ILRUN: variants seen among roughly 807,000 people sequenced by gnomAD.
The protein encoded by ILRUN is inflammation and lipid regulator with UBA-like and NBR1-like domains.
Under a neutral mutation model 33.8 loss-of-function variants are expected in ILRUN, and 3 were observed. The ratio of observed to expected loss-of-function variants is 0.09; its 90% CI spans 0.04 to 0.23. The LOEUF (loss-of-function observed/expected upper bound fraction) is 0.23, where lower values mean the gene tolerates loss of function less well. Ranked by LOEUF, ILRUN falls within the 10% of genes least tolerant of loss-of-function variation. The probability of loss-of-function intolerance (pLI) is 1.00; values close to 1 mark genes in which losing one functional copy is unlikely to be tolerated. For missense variants in ILRUN, 210 were observed against 375.1 expected, an observed-to-expected ratio of 0.56 and a Z score of 3.64; for synonymous variants, 124 against 138.9, an observed-to-expected ratio of 0.89 and a Z score of 0.75.
chr6:34,677,624 G>GT (rs1763263774), intron 1 of ILRUN, among the ~76,000 whole-genome samples: 2 of 152,072 alleles, frequency 1.3e-5, no homozygotes, highest in African/African-American at 4.8e-5. Context: ...TTTTGTTGTT[G>GT]TTGTTCCCCA....
At chr6:34,656,017 G>A (rs968345732) in intron 1 of ILRUN, among the ~76,000 whole-genome samples, 1 of 151,978 alleles carries the variant, frequency 6.6e-6, no homozygotes, top group Admixed American at 6.6e-5. Flanking sequence ...GGCAGATCAC[G>A]GGGTCAGGAG....
intron 1 of ILRUN, among the ~76,000 whole-genome samples, chr6:34,672,238 T>A (rs905035350): frequency 1.3e-5 from 2 of 151,896 alleles, no homozygotes; most frequent in Non-Finnish European, 2.9e-5. Flanking sequence ...GAACTACAGG[T>A]GTGCACCACC....
At chr6:34,656,582 A>G (rs1412447449) in intron 1 of ILRUN, among the ~76,000 whole-genome samples, 2 of 152,248 alleles carry the variant, frequency 1.3e-5, no homozygotes, top group African/African-American at 4.8e-5. Context: ...GTTTCTAAAC[A>G]TAATCCAACC....
At chr6:34,611,476 G>A (rs1216309977) in intron 3 of ILRUN, among the ~76,000 whole-genome samples, 1 of 152,034 alleles carries the variant, frequency 6.6e-6, no homozygotes. Flanking sequence ...ACTTCTACGT[G>A]GTACAATCTC....
intron 3 of ILRUN, among the ~76,000 whole-genome samples, chr6:34,628,410 G>A (rs1311401508): frequency 1.3e-5 from 2 of 150,810 alleles, no homozygotes; most frequent in African/African-American, 2.4e-5. Flanking sequence ...TGCAACCTCC[G>A]CCTCCCAGGT....
At chr6:34,667,418 A>C (rs1763027064) in intron 1 of ILRUN, among the ~76,000 whole-genome samples, 1 of 152,226 alleles carries the variant, frequency 6.6e-6, no homozygotes, top group Non-Finnish European at 1.5e-5. Flanking sequence ...AAGAATGCCA[A>C]ACAATAAATG....
At chr6:34,696,211 C>T in intron 1 of ILRUN, 1 of 511,406 alleles carries the variant, frequency 2.0e-6, no homozygotes, top group Non-Finnish European at 3.5e-6. Context: ...AGCTCGCCCC[C>T]ACCATCTCCC....
intron 4 of ILRUN, among the ~76,000 whole-genome samples, chr6:34,596,554 C>T (rs1393247685): frequency 2.6e-5 from 4 of 152,128 alleles, no homozygotes; most frequent in African/African-American, 9.7e-5. Flanking sequence ...CTCAGGTGAT[C>T]CACCCACCTC....
intron 1 of ILRUN, among the ~76,000 whole-genome samples, chr6:34,683,469 T>C (rs1276511048): frequency 2.0e-5 from 2 of 97,686 alleles, no homozygotes; most frequent in Non-Finnish European, 3.6e-5. Flanking sequence ...TATACATATA[T>C]ATACACATAT....
At chr6:34,614,431 T>TAAA (rs869049658) in intron 3 of ILRUN, among the ~76,000 whole-genome samples, 9 of 113,972 alleles carry the variant, frequency 7.9e-5, no homozygotes, top group African/African-American at 3.0e-4. Context: ...CAAAAAATAA[T>TAAA]AAAAAAAAAA....
At chr6:34,631,048 A>G (rs2127348478) in intron 3 of ILRUN, among the ~76,000 whole-genome samples, 1 of 152,300 alleles carries the variant, frequency 6.6e-6, no homozygotes, top group South Asian at 2.1e-4. Flanking sequence ...TTTCCATTGA[A>G]GAACTTAGCA....
chr6:34,590,792 CTG>C (rs1285601738), intron 4 of ILRUN, among the ~76,000 whole-genome samples, 192 bp from the exon 5 acceptor site: 113 of 152,332 alleles, frequency 7.4e-4, no homozygotes, highest in African/African-American at 1.6e-3. Flanking sequence ...AAGTTTCTCA[CTG>C]AATCCAAAGA....
intron 3 of ILRUN, among the ~76,000 whole-genome samples, chr6:34,634,480 A>G (rs1178106552): frequency 6.6e-6 from 1 of 152,128 alleles, no homozygotes; most frequent in Non-Finnish European, 1.5e-5. Flanking sequence ...GCAGAAATCC[A>G]TAAAATTGAA....
chr6:34,596,044 G>T, intron 4 of ILRUN: 1 of 596,184 alleles, frequency 1.7e-6, no homozygotes, highest in Non-Finnish European at 2.1e-6. Context: ...TCACAGGCCT[G>T]GCCTGGCTGG....
At chr6:34,651,518 T>C (rs951918530) in intron 2 of ILRUN, among the ~76,000 whole-genome samples, 1 of 152,122 alleles carries the variant, frequency 6.6e-6, no homozygotes, top group African/African-American at 2.4e-5. Flanking sequence ...AAGAGGCTTT[T>C]TGAAATATAA....
chr6:34,601,416 G>T (rs937768177), intron 4 of ILRUN, among the ~76,000 whole-genome samples: 3 of 151,600 alleles, frequency 2.0e-5, no homozygotes, highest in African/African-American at 7.2e-5. Context: ...GGATCTGCAT[G>T]TGAGAATGAA....
chr6:34,650,584 C>A (rs532463183), intron 2 of ILRUN, among the ~76,000 whole-genome samples: 1 of 152,060 alleles, frequency 6.6e-6, no homozygotes, highest in Admixed American at 6.6e-5. Context: ...GCGCCTGCCA[C>A]CATGCCTGGC....
Position 34,646,570 on chromosome 6 carries a change from T to C in ILRUN, c.511+31A>G, listed in dbSNP as rs577867768. 3.9e-5 allele frequency: 63 copies of C among 1,606,990 alleles called. No individual in the cohort carries two copies. The South Asian group carries it at 6.2e-4, about 16-fold the overall frequency. On this transcript the variant is annotated intron_variant, in intron 3 of 4. Transcript: ENST00000374023. The surrounding 1 kb of genome is among the most constrained non-coding windows in gnomAD (Gnocchi z 4.9). ...TGTTATAAGATGTTACCTTAGTTCC[T>C]TTACCCTGGGCTGCACAAGGACATA...
intron 3 of ILRUN, among the ~76,000 whole-genome samples, chr6:34,622,795 C>T (rs1275130437): frequency 6.6e-6 from 1 of 152,162 alleles, no homozygotes; most frequent in East Asian, 1.9e-4. Flanking sequence ...GATATTTGTA[C>T]ACCCATGTTC....
Sources: allele counts gnomAD v4.1 joint callset (sites outside exome capture counted in the v4.1 genomes callset), GRCh38; gene constraint gnomAD v4.1.1; non-coding constraint Gnocchi (gnomAD v3.1); transcripts MANE v1.5; gene names NCBI Gene and HGNC (gene_info 2026-07-23, HGNC 2026-07-21).